EGFL6: variants seen among roughly 807,000 people sequenced by gnomAD.
The protein encoded by EGFL6 is epidermal growth factor-like protein 6.
In EGFL6, 42 loss-of-function variants were observed where a neutral mutation model predicts 43.1. The ratio of observed to expected loss-of-function variants is 0.98; its 90% CI spans 0.76 to 1.26. The LOEUF is 1.26. EGFL6 is among the 50% of genes most tolerant of loss of function. EGFL6 has a pLI of 0.00. For synonymous variants in EGFL6, 164 were observed against 163.2 expected, an observed-to-expected ratio of 1.01 and a Z score of -0.04; for missense variants, 429 against 427.8, an observed-to-expected ratio of 1.00 and a Z score of -0.02.
At chrX:13,583,157 T>C (rs2045516621) in intron 1 of EGFL6, among the ~76,000 whole-genome samples, 1 of 101,397 alleles carries the variant, frequency 9.9e-6, no homozygotes. Context: ...CCCTTCTCAC[T>C]CCTGCTCCTA....
At chrX:13,611,036 AC>A (rs2045686420) in intron 7 of EGFL6, among the ~76,000 whole-genome samples, 1 of 110,626 alleles carries the variant, frequency 9.0e-6, no homozygotes, top group Admixed American at 9.6e-5. Flanking sequence ...AGCCCCACTT[AC>A]CCACAGAGAT....
chrX:13,612,707 G>A (rs942575869), intron 7 of EGFL6, among the ~76,000 whole-genome samples: 2 of 111,020 alleles, frequency 1.8e-5, no homozygotes, highest in South Asian at 7.5e-4. Flanking sequence ...GTGGCTAGCC[G>A]GGCCAAAATC....
Position 13,593,114 on chromosome X carries a change from T to C in EGFL6, c.188-1722T>C, listed in dbSNP as rs192222795. Among the ~76,000 whole-genome samples the C allele has an allele frequency of 5.7e-3, 622 of 109,770 alleles. 10 individuals carry two copies. The East Asian group carries it at 0.068, about 12-fold the overall frequency. ...ATTTTTAGTAGAGATGTGGTTTTAC[T>C]ATGTTGGCCGGGCTGGTCTCAAACT... On this transcript the variant is annotated intron_variant, in intron 2 of 11. Coordinates refer to ENST00000361306, the MANE Select transcript of EGFL6 (RefSeq NM_015507.4).
intron 7 of EGFL6, among the ~76,000 whole-genome samples, chrX:13,616,908 GCCGGA>G (rs1251378647): frequency 6.8e-5 from 7 of 102,788 alleles, no homozygotes; most frequent in Non-Finnish European, 1.2e-4. Context: ...TGTCGCCCAG[GCCGGA>G]CTGCGGACTG....
At chrX:13,579,270 C>T (rs759298594) in intron 1 of EGFL6, among the ~76,000 whole-genome samples, 2 of 111,057 alleles carry the variant, frequency 1.8e-5, no homozygotes, top group East Asian at 5.6e-4. Flanking sequence ...CAAATAGGCC[C>T]TGGTGTGTGT....
At chrX:13,616,072 G>T (rs757372733) in intron 7 of EGFL6, among the ~76,000 whole-genome samples, 1 of 111,551 alleles carries the variant, frequency 9.0e-6, no homozygotes, top group African/African-American at 3.3e-5. Flanking sequence ...TCTTAGATTA[G>T]TACATGCCTA....
At chrX:13,577,056 C>A (rs932994826) in intron 1 of EGFL6, among the ~76,000 whole-genome samples, 6 of 109,713 alleles carry the variant, frequency 5.5e-5, no homozygotes, top group Admixed American at 9.8e-5. Flanking sequence ...AGTTGATGTG[C>A]CCAAACATTC....
chrX:13,623,884 G>A lies in EGFL6; in HGVS notation c.1244G>A (p.Arg415Lys), dbSNP rs1391222795. 8.3e-7 allele frequency: 1 copy of A among 1,209,109 alleles called. No homozygotes were observed. Among genetic ancestry groups the A allele is most frequent in the South Asian group, 1.8e-5 (1 of 56,844 alleles). Residue 415 changes from arginine to lysine, a missense_variant, in exon 10 of 12, where the codon AGA becomes AAA. By Grantham distance (26) the Arg-to-Lys change is conservative. Transcript: ENST00000361306. ...GGGATCTGTGACTGGAAACAGGATA[G>A]AGAAGATGATTTTGACTGGAATCCT... is the stretch of plus-strand genomic sequence containing the variant. ...NHGICDWKQD[R>K]EDDFDWNPAD...
intron 1 of EGFL6, among the ~76,000 whole-genome samples, chrX:13,585,096 A>G: frequency 8.9e-6 from 1 of 111,803 alleles, no homozygotes; most frequent in Non-Finnish European, 1.9e-5. Flanking sequence ...ATTAAGATGT[A>G]AAACCCAAAG....
chrX:13,600,211 C>G, intron 4 of EGFL6, 117 bp downstream of exon 4: 2 of 694,417 alleles, frequency 2.9e-6, no homozygotes, highest in Admixed American at 8.3e-5. Flanking sequence ...ATATTGCCCC[C>G]AGCTAAAATG....
chrX:13,585,261 T>C (rs972807722), intron 1 of EGFL6, among the ~76,000 whole-genome samples: 1 of 112,128 alleles, frequency 8.9e-6, no homozygotes, highest in Non-Finnish European at 1.9e-5. Flanking sequence ...CCTCTTAGTC[T>C]GCACTCATTC....
rs904522321 is a variant in EGFL6, at chrX:13,601,755, G to A, written c.401-1562G>A. Among the ~76,000 whole-genome samples the A allele has an allele frequency of 4.5e-5, 5 of 111,884 alleles. No homozygotes were observed. In the East Asian group the frequency reaches 1.4e-3, roughly 31 times the overall value. On this transcript the variant is annotated intron_variant, in intron 4 of 11. Transcript: ENST00000361306. ...GAAACTCACAGGAAACAAATGCATAGTTTAATGAATTCTTATAAGGCAAGC... is the reference window on the plus strand; with the variant it reads ...GAAACTCACAGGAAACAAATGCATAATTTAATGAATTCTTATAAGGCAAGC...
At chrX:13,570,008 G>A in intron 1 of EGFL6, 73 bp downstream of exon 1, 1 of 985,289 alleles carries the variant, frequency 1.0e-6, no homozygotes, top group African/African-American at 1.9e-5. Flanking sequence ...CCATGTCTTT[G>A]CAGGCACCCC....
In EGFL6 at chrX:13,606,511, T is replaced by A. The variant is rs151014946; in HGVS notation, c.653T>A (p.Ile218Lys). The A allele has an allele frequency of 2.7e-4, 325 of 1,207,823 alleles. No homozygotes were observed. In the African/African-American group the frequency reaches 5.0e-3, roughly 19 times the overall value. The change falls in exon 6 of 12, where the codon ATA (isoleucine) becomes AAA (lysine). Residue 218 changes from isoleucine (I) to lysine (K), a missense_variant and splice_region_variant. Transcript: ENST00000361306. ...LQYISGRYDCIDINECTMDSH... is the reference protein window; with the variant it reads ...LQYISGRYDCKDINECTMDSH... ...TATATCAGTGGACGATATGACTGTA[T>A]AGGTAAGATTCGATGGCACCTTTTC...
chrX:13,572,276 A>G (rs760929629), intron 1 of EGFL6, among the ~76,000 whole-genome samples: 24 of 112,094 alleles, frequency 2.1e-4, no homozygotes, highest in Non-Finnish European at 3.9e-4. Context: ...ATGTGCTGCA[A>G]AAAGTATCAA....
chrX:13,627,361 T>G (rs1448715332), intron 11 of EGFL6, 85 bp downstream of exon 11: 10 of 1,092,745 alleles, frequency 9.2e-6, no homozygotes, highest in Non-Finnish European at 4.9e-6. Flanking sequence ...TACTGAAGTA[T>G]GTAGGCATTA....
chrX:13,628,607 A>G (rs181618604), intron 11 of EGFL6, among the ~76,000 whole-genome samples: 433 of 111,151 alleles, frequency 3.9e-3, no homozygotes, highest in Non-Finnish European at 6.2e-3. Context: ...TGAGGTTGGG[A>G]GTTCAAGACC....
intron 1 of EGFL6, among the ~76,000 whole-genome samples, chrX:13,584,793 A>G (rs941202726): frequency 8.9e-6 from 1 of 111,894 alleles, no homozygotes; most frequent in Admixed American, 9.5e-5. Flanking sequence ...CCAGTGTCTG[A>G]TACATTATAG....
intron 1 of EGFL6, among the ~76,000 whole-genome samples, chrX:13,588,696 G>A (rs1322345420): frequency 2.7e-5 from 3 of 111,084 alleles, no homozygotes; most frequent in Non-Finnish European, 5.7e-5. Context: ...GCGAAGAACA[G>A]TTTTTACATT....
Sources: gnomAD v4.1 joint callset for allele counts (sites outside exome capture counted in the v4.1 genomes callset) on GRCh38, gnomAD v4.1.1 for gene constraint, MANE v1.5 for transcripts, NCBI Gene and HGNC (gene_info 2026-07-23, HGNC 2026-07-21) for gene names.